Variants in WNK3 observed in about 807,000 individuals in gnomAD.
WNK3 encodes the protein WNK lysine deficient protein kinase 3, also known as serine/threonine-protein kinase WNK3.
Under a neutral mutation model 116.7 loss-of-function variants are expected in WNK3, and 18 were observed. That is an observed-to-expected ratio of 0.15 (90% confidence interval 0.11 to 0.23). The LOEUF (loss-of-function observed/expected upper bound fraction) is 0.23, where lower values mean the gene tolerates loss of function less well. Ranked by LOEUF, WNK3 falls within the 10% of genes least tolerant of loss-of-function variation. The pLI is 1.00. For missense variants in WNK3, 993 were observed against 1,323.8 expected (o/e 0.75, Z 3.88); for synonymous variants, 404 against 469.4 (o/e 0.86, Z 1.80).
At chrX:54,323,658 G>T (rs782116036) in intron 2 of WNK3, among the ~76,000 whole-genome samples, 1 of 111,259 alleles carries the variant, frequency 9.0e-6, no homozygotes, top group Non-Finnish European at 1.9e-5. Context: ...TATCCCTGTT[G>T]CCCCCTACTG....
intron 22 of WNK3, among the ~76,000 whole-genome samples, chrX:54,217,305 A>G (rs1437343414): frequency 1.1e-4 from 9 of 85,225 alleles, no homozygotes; most frequent in African/African-American, 3.8e-4. Flanking sequence ...GCGACAGAGC[A>G]AGACTCCATC....
chrX:54,220,843 CTTG>C lies in WNK3; in HGVS notation c.4870+7868_4870+7870del, dbSNP rs567901924. ...GAGTTCCTATTAAAATAGGATTCTACTTGTTGTATATAATTAAAGAAATTTAAC... is the reference window on the plus strand; with the variant it reads ...GAGTTCCTATTAAAATAGGATTCTACTTGTATATAATTAAAGAAATTTAAC... On this transcript the variant is annotated intron_variant, in intron 22 of 23. Transcript: ENST00000354646. Among the ~76,000 whole-genome samples the C allele has an allele frequency of 1.4e-4, 15 of 110,710 alleles. No homozygotes were observed. The South Asian group carries it at 3.8e-3, about 28-fold the overall frequency.
At chrX:54,257,978 C>G (rs959522806) in intron 11 of WNK3, among the ~76,000 whole-genome samples, 1 of 109,105 alleles carries the variant, frequency 9.2e-6, no homozygotes, top group African/African-American at 3.3e-5. Flanking sequence ...TTGAAATCAT[C>G]TAACAAGAAT....
At chrX:54,233,433 G>A (rs1351402824) in intron 20 of WNK3, among the ~76,000 whole-genome samples, 1 of 77,651 alleles carries the variant, frequency 1.3e-5, no homozygotes, top group African/African-American at 4.8e-5. Flanking sequence ...GAGAGACCCT[G>A]TCAAAAAAAA....
intron 22 of WNK3, among the ~76,000 whole-genome samples, chrX:54,221,117 T>G (rs1557146412): frequency 1.8e-5 from 2 of 111,296 alleles, no homozygotes; most frequent in East Asian, 5.6e-4. Context: ...ACAAATTCCA[T>G]AAATGGAAAA....
At chrX:54,215,413 G>A (rs1279164190) in intron 22 of WNK3, among the ~76,000 whole-genome samples, 1 of 112,645 alleles carries the variant, frequency 8.9e-6, no homozygotes, top group Non-Finnish European at 1.9e-5. Context: ...CTGGTCTCCA[G>A]CTCCCGACCG....
chrX:54,327,862 G>C (rs1273556899), intron 2 of WNK3, among the ~76,000 whole-genome samples: 3 of 110,445 alleles, frequency 2.7e-5, no homozygotes, highest in Non-Finnish European at 3.8e-5. Context: ...CAGCTACTAG[G>C]GAGGCTGAGG....
intron 2 of WNK3, among the ~76,000 whole-genome samples, chrX:54,320,973 C>T (rs371922016): frequency 3.1e-4 from 34 of 110,461 alleles, no homozygotes; most frequent in African/African-American, 9.8e-4. Context: ...CTGGGCTCAC[C>T]GCAACCTCCA....
At chrX:54,302,699 T>TTCTCTCTCTCTCTCTC (rs782673409) in intron 5 of WNK3, among the ~76,000 whole-genome samples, 2 of 23,331 alleles carry the variant, frequency 8.6e-5, no homozygotes, top group African/African-American at 1.6e-4. Context: ...AACATTCCAA[T>TTCTCTCTCTCTCTCTC]TCTCTCTCTC....
chrX:54,234,181 C>A (rs1358695481), intron 20 of WNK3, among the ~76,000 whole-genome samples: 1 of 110,156 alleles, frequency 9.1e-6, no homozygotes, highest in Non-Finnish European at 1.9e-5. Flanking sequence ...TGAGACCAGC[C>A]TGGGCAACAC....
chrX:54,240,304 C>CAA (rs1241150139), intron 17 of WNK3, among the ~76,000 whole-genome samples: 1 of 69,869 alleles, frequency 1.4e-5, no homozygotes, highest in Non-Finnish European at 2.9e-5. Context: ...ACTCTTGTTT[C>CAA]AAAAAAAAAA....
chrX:54,298,407 A>G lies in WNK3; in HGVS notation c.1179-13T>C. On this transcript the variant is annotated splice_polypyrimidine_tract_variant and intron_variant, in intron 6 of 23. Transcript: ENST00000354646. ...CCTGATAGACAACCTAATAAACAAA[A>G]CATATATCTCATTATCAGTTCTTCC... 1 of 1,127,903 alleles carries G rather than the reference A, an allele frequency of 8.9e-7. No homozygotes were observed. Among genetic ancestry groups the G allele is most frequent in the African/African-American group, 1.8e-5 (1 of 56,273 alleles). The allele number at this position is 1,127,903 out of a possible 1,213,427, so 93.0% of individuals were successfully genotyped here. A position where few individuals can be genotyped will look rare whatever the true frequency, so the allele number is the denominator to read the frequency against.
chrX:54,242,069 CAA>C (rs2068028549), intron 17 of WNK3, among the ~76,000 whole-genome samples: 1 of 111,001 alleles, frequency 9.0e-6, no homozygotes, highest in Non-Finnish European at 1.9e-5. Flanking sequence ...AATAATCCAC[CAA>C]AAGTTATTGG....
At chrX:54,259,119 C>CAA (rs58139835) in intron 11 of WNK3, among the ~76,000 whole-genome samples, 155 bp downstream of exon 11, 142 of 45,261 alleles carry the variant, frequency 3.1e-3, no homozygotes, top group African/African-American at 6.5e-3. Context: ...CATAAAAAAG[C>CAA]AAAAAAAAAA....
intron 17 of WNK3, among the ~76,000 whole-genome samples, chrX:54,241,034 G>C (rs1390318220): frequency 1.8e-5 from 2 of 111,638 alleles, no homozygotes; most frequent in Non-Finnish European, 3.8e-5. Context: ...AGGCAGTTCT[G>C]TCCCTTCTCT....
At chrX:54,293,939 G>A (rs944264969) in intron 8 of WNK3, among the ~76,000 whole-genome samples, 1 of 112,157 alleles carries the variant, frequency 8.9e-6, no homozygotes, top group Admixed American at 9.5e-5. Flanking sequence ...CACTTTGGGA[G>A]GCTGAGGCGG....
At chrX:54,225,766 A>G (rs1408693575) in intron 22 of WNK3, among the ~76,000 whole-genome samples, 1 of 111,015 alleles carries the variant, frequency 9.0e-6, no homozygotes, top group African/African-American at 3.3e-5. Context: ...CTAAATTCCA[A>G]CTGTTTTTTT....
chrX:54,225,464 T>C (rs1557147585), intron 22 of WNK3, among the ~76,000 whole-genome samples: 1 of 105,750 alleles, frequency 9.5e-6, no homozygotes, highest in African/African-American at 3.5e-5. Flanking sequence ...CTACCAAAAA[T>C]AGAAAAATTA....
At chrX:54,239,972 C>T (rs185452451) in intron 17 of WNK3, among the ~76,000 whole-genome samples, 6 of 112,339 alleles carry the variant, frequency 5.3e-5, no homozygotes, top group African/African-American at 1.9e-4. Flanking sequence ...AGATAGCCTA[C>T]ATGGCAGTAA....
Sources: allele counts gnomAD v4.1 joint callset (sites outside exome capture counted in the v4.1 genomes callset), GRCh38; gene constraint gnomAD v4.1.1; transcripts MANE v1.5; gene names NCBI Gene and HGNC (gene_info 2026-07-23, HGNC 2026-07-21).